Variants in CFAP57 observed in about 807,000 individuals in gnomAD.
The protein encoded by CFAP57 is cilia- and flagella-associated protein 57.
A neutral mutation model predicts 146.8 loss-of-function variants in CFAP57; 116 were observed. That is an observed-to-expected ratio of 0.79 (90% CI 0.68 to 0.92). The LOEUF (loss-of-function observed/expected upper bound fraction) is 0.92. Ranked by LOEUF, CFAP57 falls within the 40% of genes least tolerant of loss-of-function variation. The probability of loss-of-function intolerance (pLI) is 0.00; values close to 1 mark genes in which losing one functional copy is unlikely to be tolerated. For missense variants in CFAP57, 1,377 were observed against 1,527.2 expected (o/e 0.90, Z 1.64); for synonymous variants, 518 against 552.8 (o/e 0.94, Z 0.88).
Position 43,222,284 on chromosome 1 carries a change from C to G in CFAP57, c.2521C>G (p.Leu841Val). The change falls in exon 15 of 23, where the codon CTT becomes GTT. Residue 841 changes from leucine to valine, a missense_variant. Coordinates refer to ENST00000372492, the MANE Select transcript of CFAP57 (RefSeq NM_001378189.1). ...GGCAAAACTGCAGGAGAAAACCACCCTTCTGGAAGAGGTACTCACAGGAAG... is the reference window on the plus strand; with the variant it reads ...GGCAAAACTGCAGGAGAAAACCACCGTTCTGGAAGAGGTACTCACAGGAAG... Reference protein sequence around the residue: ...YEAKLQEKTTLLEEAQEDVRQ... With the variant: ...YEAKLQEKTTVLEEAQEDVRQ... The G allele has an allele frequency of 6.9e-7, 1 of 1,444,680 alleles. No homozygotes were observed. The highest frequency in any genetic ancestry group is 1.5e-5 in the South Asian group (1 of 64,640). 89.5% of individuals were successfully genotyped at this position (1,444,680 alleles called of 1,614,324 possible).
chr1:43,221,908 C>A (rs1034003890), intron 14 of CFAP57, among the ~76,000 whole-genome samples, 197 bp from the exon 15 acceptor site: 1 of 152,138 alleles, frequency 6.6e-6, no homozygotes, highest in African/African-American at 2.4e-5. Context: ...AGCAGGCAGG[C>A]AGGGAGTTTG....
intron 22 of CFAP57, among the ~76,000 whole-genome samples, chr1:43,248,319 C>CTTT (rs763437285): frequency 3.7e-5 from 5 of 133,470 alleles, no homozygotes; most frequent in Non-Finnish European, 8.1e-5. Flanking sequence ...AAAAAATTTT[C>CTTT]TTTTTTTTTT....
At chr1:43,247,610 A>G (rs755497262) in intron 22 of CFAP57, among the ~76,000 whole-genome samples, 82 of 152,378 alleles carry the variant, frequency 5.4e-4, no homozygotes, top group Middle Eastern at 3.4e-3. Context: ...TTTTGCCTTC[A>G]TCAAGACTAA....
intron 6 of CFAP57, among the ~76,000 whole-genome samples, chr1:43,191,437 AT>A (rs1643515263): frequency 6.6e-6 from 1 of 152,030 alleles, no homozygotes; most frequent in African/African-American, 2.4e-5. Context: ...AATACAAAAA[AT>A]TAGCCAGGCA....
intron 18 of CFAP57, among the ~76,000 whole-genome samples, chr1:43,227,345 A>G (rs16830572): frequency 0.042 from 6,468 of 152,296 alleles, 189 homozygotes; most frequent in South Asian, 0.11. Context: ...TTAACTTGCC[A>G]CGGGACCTGG....
chr1:43,233,133 G>A (rs1311715364), intron 19 of CFAP57, among the ~76,000 whole-genome samples: 1 of 151,556 alleles, frequency 6.6e-6, no homozygotes, highest in Admixed American at 6.5e-5. Context: ...TCTGGATGTG[G>A]GCCAGGACAC....
At chr1:43,242,630 G>C (rs1430709160) in intron 21 of CFAP57, among the ~76,000 whole-genome samples, 1 of 152,190 alleles carries the variant, frequency 6.6e-6, no homozygotes, top group Non-Finnish European at 1.5e-5. Flanking sequence ...GGACTTACCA[G>C]ATAGCCTATA....
chr1:43,240,664 T>C (rs1645877791), intron 21 of CFAP57, among the ~76,000 whole-genome samples: 1 of 152,174 alleles, frequency 6.6e-6, no homozygotes, highest in Non-Finnish European at 1.5e-5. Context: ...TTCATTACTA[T>C]AAAGGAATAC....
intron 6 of CFAP57, chr1:43,196,406 G>C (rs997862892): frequency 1.3e-5 from 2 of 153,382 alleles, no homozygotes; most frequent in African/African-American, 4.8e-5. Context: ...CTCTTTCTCT[G>C]AGATAGTAGG....
intron 11 of CFAP57, chr1:43,211,010 C>T (rs1012325946): frequency 6.6e-6 from 1 of 151,494 alleles, no homozygotes; most frequent in African/African-American, 2.4e-5. Flanking sequence ...GTATGTGTCT[C>T]TTCTTCCTTA....
intron 9 of CFAP57, among the ~76,000 whole-genome samples, chr1:43,202,497 AGG>A (rs1355142013): frequency 9.9e-5 from 15 of 152,104 alleles, no homozygotes; most frequent in African/African-American, 3.4e-4. Flanking sequence ...AAGATCTGAA[AGG>A]GGTCCGGGCG....
Position 43,227,303 on chromosome 1 carries a change from G to C in CFAP57, c.3009+177G>C, listed in dbSNP as rs377175333. ...AGGGAAGGCCGTGGCCCCGCTGCAGGCTCAGCTGACCGAAAGCAAATCGCT... is the reference window on the plus strand; with the variant it reads ...AGGGAAGGCCGTGGCCCCGCTGCAGCCTCAGCTGACCGAAAGCAAATCGCT... On this transcript the variant is annotated intron_variant, in intron 18 of 22. Transcript: ENST00000372492. Among the ~76,000 whole-genome samples, 9 of 152,226 alleles carry C rather than the reference G, an allele frequency of 5.9e-5. No individual in the cohort carries two copies. The East Asian group carries it at 1.7e-3, about 29-fold the overall frequency.
chr1:43,198,969 A>G (rs986782949), intron 8 of CFAP57, among the ~76,000 whole-genome samples: 55 of 152,252 alleles, frequency 3.6e-4, no homozygotes, highest in African/African-American at 1.3e-3. Flanking sequence ...AATCAGAGTC[A>G]CAGCTAAGAA....
intron 10 of CFAP57, among the ~76,000 whole-genome samples, chr1:43,207,393 G>A (rs1406762376): frequency 6.6e-6 from 1 of 152,150 alleles, no homozygotes; most frequent in East Asian, 1.9e-4. Flanking sequence ...TTTCTGTTTA[G>A]ATACACAGAT....
intron 6 of CFAP57, among the ~76,000 whole-genome samples, chr1:43,189,955 C>G (rs1367826139): frequency 6.6e-6 from 1 of 152,162 alleles, no homozygotes; most frequent in African/African-American, 2.4e-5. Context: ...GGGATATGCC[C>G]CCAATGATCC....
intron 11 of CFAP57, among the ~76,000 whole-genome samples, chr1:43,213,450 T>C (rs947604740): frequency 4.7e-5 from 7 of 150,324 alleles, no homozygotes; most frequent in Non-Finnish European, 8.9e-5. Context: ...ATTCATCCAC[T>C]GATGGACACT....
At chr1:43,210,731 T>C (rs1346296061) in intron 11 of CFAP57, 2 of 152,844 alleles carry the variant, frequency 1.3e-5, no homozygotes, top group African/African-American at 4.8e-5. Flanking sequence ...AAAAGGATTA[T>C]GGGGGTAGTT....
chr1:43,172,549 CGGA>C lies in CFAP57; in HGVS notation c.-20+103_-20+105del, dbSNP rs929178720. 7.2e-6 allele frequency: 5 copies of C among 695,784 alleles called. No homozygotes were observed. The African/African-American group carries it at 1.3e-4, about 19-fold the overall frequency. The allele number at this position is 695,784 out of a possible 1,614,324, so 43.1% of individuals were successfully genotyped here. A position where few individuals can be genotyped will look rare whatever the true frequency, so the allele number is the denominator to read the frequency against. On this transcript the variant is annotated intron_variant, in intron 1 of 22. Transcript: ENST00000372492. ...AAGGAGCCGCGGGGGTGGGGTGGCG[CGGA>C]GGAGGACCCCGGGGGAGGGGAAAGG...
At position 43,227,103 on chromosome 1, in the gene CFAP57, G is replaced by T; in HGVS notation, c.2986G>T (p.Val996Leu). ...QIEPRENEIRVMKEQIQEMEA... is the reference protein window; with the variant it reads ...QIEPRENEIRLMKEQIQEMEA... ...AGAACCTCGAGAGAATGAGATCAGG[G>T]TGATGAAGGAACAGATTCAGGAGGT... Residue 996 changes from valine (V) to leucine (L), a missense_variant, in exon 18 of 23, where the codon GTG (valine) becomes TTG (leucine). Coordinates refer to ENST00000372492, the MANE Select transcript of CFAP57 (RefSeq NM_001378189.1). 6.5e-7 allele frequency: 1 copy of T among 1,541,266 alleles called. No individual in the cohort carries two copies. The highest frequency in any genetic ancestry group is 8.8e-7 in the Non-Finnish European group (1 of 1,142,366).
Sources: allele counts gnomAD v4.1 joint callset (sites outside exome capture counted in the v4.1 genomes callset), GRCh38; gene constraint gnomAD v4.1.1; transcripts MANE v1.5; gene names NCBI Gene and HGNC (gene_info 2026-07-23, HGNC 2026-07-21).